MYO7A: variants seen among roughly 807,000 people sequenced by gnomAD.
MYO7A encodes unconventional myosin-VIIa.
In MYO7A, 210 loss-of-function variants were observed where a neutral mutation model predicts 263.8. The ratio of observed to expected loss-of-function variants is 0.80; its 90% CI spans 0.71 to 0.89. The LOEUF (loss-of-function observed/expected upper bound fraction) is 0.89. Ranked by LOEUF, MYO7A falls within the 40% of genes least tolerant of loss-of-function variation. MYO7A has a pLI of 0.00. For synonymous variants in MYO7A, 1,239 were observed against 1,197.3 expected (o/e 1.03, Z -0.72); for missense variants, 2,820 against 2,968.3 (o/e 0.95, Z 1.16).
Position 77,147,924 on chromosome 11 carries a change from A to G in MYO7A, c.259A>G (p.Ile87Val). ...NEAGILRNLL[I>V]RYRDHLIYTY... ...GGCGGGCATCTTGCGCAACCTGCTT[A>G]TCCGCTACCGGGACCACCTCATCTA... Residue 87 changes from isoleucine to valine, a missense_variant, in exon 4 of 49, where the codon ATC (isoleucine) becomes GTC (valine). Physicochemically the swap from Ile to Val is conservative, Grantham distance 29. Coordinates refer to ENST00000409709, the MANE Select transcript of MYO7A (RefSeq NM_000260.4). 1.3e-6 allele frequency: 2 copies of G among 1,562,798 alleles called. No homozygotes were observed. Among genetic ancestry groups the G allele is most frequent in the Non-Finnish European group, 1.7e-6 (2 of 1,154,602 alleles).
At chr11:77,157,460 A>G in intron 8 of MYO7A, 68 bp downstream of exon 8, 2 of 1,106,460 alleles carry the variant, frequency 1.8e-6, no homozygotes, top group South Asian at 2.8e-5. Context: ...TGGCTACTGC[A>G]GACTCAGCCT....
intron 4 of MYO7A, among the ~76,000 whole-genome samples, chr11:77,151,728 C>T (rs1951981911): frequency 6.6e-6 from 1 of 152,212 alleles, no homozygotes; most frequent in African/African-American, 2.4e-5. Context: ...AGAGATTGGC[C>T]AGAGGGCTCA....
chr11:77,208,866 A>T (rs1455145334), intron 44 of MYO7A, 63 bp downstream of exon 44: 1 of 1,347,966 alleles, frequency 7.4e-7, no homozygotes, highest in African/African-American at 1.5e-5. Flanking sequence ...TTTGGCCCTG[A>T]AAGCAGAGAC....
chr11:77,138,223 C>T lies in MYO7A; in HGVS notation c.19-4486C>T, dbSNP rs190604220. On this transcript the variant is annotated intron_variant, in intron 2 of 48. Transcript: ENST00000409709. This position sits in a 1 kb window ranked among gnomAD's most constrained non-coding sequence, Gnocchi z 4.9. The stretch of plus-strand genomic sequence containing the variant: ...TTGCCATGGGCCCGCAGCAGATGGC[C>T]CGGTTTAGGGTTCCGGGGCGGGCGG... 6.6e-6 allele frequency among the ~76,000 whole-genome samples: 1 copy of T among 152,006 alleles called. No homozygotes were observed. Among genetic ancestry groups the T allele is most frequent in the African/African-American group, 2.4e-5 (1 of 41,482 alleles).
At chr11:77,182,263 C>T in intron 24 of MYO7A, 109 bp downstream of exon 24, 1 of 1,466,026 alleles carries the variant, frequency 6.8e-7, no homozygotes, top group Non-Finnish European at 9.3e-7. Flanking sequence ...TCCCTGGGGG[C>T]CAGGGACCAG....
At position 77,213,031 on chromosome 11, in the gene MYO7A, CG is replaced by C; in HGVS notation, c.6435del (p.Lys2146ArgfsTer49). ...KYGVSLIDPK[T>X]KDILTTHPFT... is the part of the protein sequence containing the mutation. ...GGGGTCAGCCTCATCGATCCCAAAACGAAGGTGAGCAGGGATAAGGCAGCAA... is the reference window on the plus strand; with the variant it reads ...GGGGTCAGCCTCATCGATCCCAAAACAAGGTGAGCAGGGATAAGGCAGCAA... On this transcript the variant is annotated frameshift_variant, in exon 47 of 49. Transcript: ENST00000409709. LOFTEE classifies it high-confidence loss of function. 1 of 1,572,616 alleles carries C rather than the reference CG, an allele frequency of 6.4e-7. No individual in the cohort carries two copies. Among genetic ancestry groups the C allele is most frequent in the Non-Finnish European group, 8.6e-7 (1 of 1,158,110 alleles).
At chr11:77,172,955 G>T in intron 16 of MYO7A, 70 bp downstream of exon 16, 1 of 1,492,012 alleles carries the variant, frequency 6.7e-7, no homozygotes, top group South Asian at 1.3e-5. Flanking sequence ...TCAAGAATAA[G>T]GTAGGGTGGG....
intron 2 of MYO7A, among the ~76,000 whole-genome samples, chr11:77,133,548 A>AT (rs1289447699): frequency 6.6e-6 from 1 of 152,184 alleles, no homozygotes; most frequent in Non-Finnish European, 1.5e-5. Flanking sequence ...TTTGGTTACT[A>AT]TTTGCATGGA....
At chr11:77,205,695 G>A in intron 40 of MYO7A, 78 bp downstream of exon 40, 1 of 1,579,658 alleles carries the variant, frequency 6.3e-7, no homozygotes, top group Non-Finnish European at 8.6e-7. Flanking sequence ...TGAGCCCCTT[G>A]GGGATGAGGA....
intron 18 of MYO7A, among the ~76,000 whole-genome samples, chr11:77,177,109 A>G (rs1184220106): frequency 6.6e-6 from 1 of 152,014 alleles, no homozygotes; most frequent in Non-Finnish European, 1.5e-5. Flanking sequence ...CTTGTGAAGG[A>G]GCGCCAGAGA....
At chr11:77,156,516 G>A in intron 5 of MYO7A, 144 bp from the exon 6 acceptor site, 1 of 1,179,220 alleles carries the variant, frequency 8.5e-7, no homozygotes, top group Non-Finnish European at 1.2e-6. Flanking sequence ...GGGCCCTTGA[G>A]CCCTGCCCCA....
In MYO7A at chr11:77,138,071, G is replaced by A. The variant is rs1205154356; in HGVS notation, c.19-4638G>A. Among the ~76,000 whole-genome samples the A allele has an allele frequency of 1.3e-5, 2 of 152,126 alleles. No individual in the cohort carries two copies. Among genetic ancestry groups the A allele is most frequent in the Non-Finnish European group, 2.9e-5 (2 of 68,020 alleles). ...CGTTTATCCCGGGCCTACCGCCGCGGTGCCAGTGAAGCCGCCTGGGATTCC... is the reference window on the plus strand; with the variant it reads ...CGTTTATCCCGGGCCTACCGCCGCGATGCCAGTGAAGCCGCCTGGGATTCC... On this transcript the variant is annotated intron_variant, in intron 2 of 48. Transcript: ENST00000409709. This position sits in a 1 kb window ranked among gnomAD's most constrained non-coding sequence, Gnocchi z 4.9.
At chr11:77,148,293 G>A (rs547958122) in intron 4 of MYO7A, among the ~76,000 whole-genome samples, 1 of 152,334 alleles carries the variant, frequency 6.6e-6, no homozygotes, top group East Asian at 1.9e-4. Flanking sequence ...TGCACAGGAG[G>A]GCAGCTCTGC....
At chr11:77,182,626 A>G in intron 25 of MYO7A, 26 bp downstream of exon 25, 1 of 1,611,666 alleles carries the variant, frequency 6.2e-7, no homozygotes, top group Non-Finnish European at 8.5e-7. Flanking sequence ...CCTCTGGATG[A>G]TGTCCCTCCC....
intron 44 of MYO7A, among the ~76,000 whole-genome samples, chr11:77,210,621 G>A (rs1024712320): frequency 3.9e-5 from 6 of 152,212 alleles, no homozygotes; most frequent in African/African-American, 1.4e-4. Flanking sequence ...GGCAGCGCCA[G>A]CCCTTCAGAG....
At position 77,156,697 on chromosome 11, in the gene MYO7A, C is replaced by T; in HGVS notation, c.508C>T (p.Leu170=). 6.2e-7 allele frequency: 1 copy of T among 1,613,968 alleles called. No homozygotes were observed. The highest frequency in any genetic ancestry group is 1.1e-5 in the South Asian group (1 of 91,076). The change falls in exon 6 of 49, where the codon CTG becomes TTG. Residue 170 remains leucine (L), a synonymous_variant. Transcript: ENST00000409709. ...SGAGKTESTK[L]ILQFLAAISG... Reference sequence around the variant, plus strand: ...GGCCGGGAAGACGGAGAGCACAAAGCTGATCCTGCAGTTCCTGGCAGCCAT... The same window carrying T: ...GGCCGGGAAGACGGAGAGCACAAAGTTGATCCTGCAGTTCCTGGCAGCCAT...
chr11:77,202,829 G>A (rs1957164860), intron 37 of MYO7A, among the ~76,000 whole-genome samples: 2 of 152,024 alleles, frequency 1.3e-5, no homozygotes, highest in African/African-American at 4.8e-5. Context: ...GGAGGCTGGG[G>A]CACAGCCCGT....
chr11:77,188,142 C>T (rs7952049), intron 27 of MYO7A, among the ~76,000 whole-genome samples: 5,531 of 152,278 alleles, frequency 0.036, 349 homozygotes, highest in African/African-American at 0.13. Context: ...GGGCCTCACA[C>T]GGCTAATCCC....
Position 77,142,804 on chromosome 11 carries a change from G to C in MYO7A, c.114G>C (p.Val38=). The C allele has an allele frequency of 6.2e-7, 1 of 1,608,296 alleles. No homozygotes were observed. Among genetic ancestry groups the C allele is most frequent in the South Asian group, 1.1e-5 (1 of 89,306 alleles). Residue 38 remains valine (V), a synonymous_variant, in exon 3 of 49, where the codon GTG becomes GTC. Coordinates refer to ENST00000409709, the MANE Select transcript of MYO7A (RefSeq NM_000260.4). ...TCTGCGACTCTGGGCAGGTCCAGGTGGTGGATGATGAAGACAATGTGAGTA... is the reference window on the plus strand; with the variant it reads ...TCTGCGACTCTGGGCAGGTCCAGGTCGTGGATGATGAAGACAATGTGAGTA... ...VKLCDSGQVQ[V]VDDEDNEHWI...
Sources: allele counts gnomAD v4.1 joint callset (sites outside exome capture counted in the v4.1 genomes callset), GRCh38; gene constraint gnomAD v4.1.1; non-coding constraint Gnocchi (gnomAD v3.1); transcripts MANE v1.5; gene names NCBI Gene and HGNC (gene_info 2026-07-23, HGNC 2026-07-21).